Variants in CXorf58 observed in about 807,000 individuals in gnomAD.
CXorf58 encodes the protein uncharacterized protein CXorf58.
Under a neutral mutation model 26.0 loss-of-function variants are expected in CXorf58, and 24 were observed. The observed-to-expected ratio is 0.92, with a 90% CI of 0.67 to 1.30. The LOEUF (loss-of-function observed/expected upper bound fraction) is 1.30, where lower values mean the gene tolerates loss of function less well. Ranked by LOEUF, CXorf58 falls within the 50% of genes most tolerant of loss-of-function variation. CXorf58 has a pLI of 0.00. For synonymous variants in CXorf58, 87 were observed against 86.1 expected, an observed-to-expected ratio of 1.01 and a Z score of -0.06; for missense variants, 236 against 263.9, an observed-to-expected ratio of 0.89 and a Z score of 0.73.
At chrX:23,939,053 A>G (rs1039772355) in intron 8 of CXorf58, among the ~76,000 whole-genome samples, 191 bp from the exon 9 acceptor site, 9 of 112,127 alleles carry the variant, frequency 8.0e-5, no homozygotes, top group Non-Finnish European at 1.3e-4. Context: ...ACTATGCTTT[A>G]TAAAGTCTGC....
At chrX:23,929,267 A>G (rs887160464) in intron 6 of CXorf58, among the ~76,000 whole-genome samples, 23 of 109,041 alleles carry the variant, frequency 2.1e-4, no homozygotes, top group Non-Finnish European at 3.2e-4. Flanking sequence ...TTAGCCGGGC[A>G]TGGTGGCGGG....
At chrX:23,926,612 T>G (rs751496623) in intron 5 of CXorf58, among the ~76,000 whole-genome samples, 1 of 112,308 alleles carries the variant, frequency 8.9e-6, no homozygotes, top group East Asian at 2.8e-4. Flanking sequence ...ATTACAGGTT[T>G]GTTTTGCTTT....
At chrX:23,928,705 T>G (rs773278936) in intron 6 of CXorf58, among the ~76,000 whole-genome samples, 2 of 111,713 alleles carry the variant, frequency 1.8e-5, no homozygotes, top group African/African-American at 6.5e-5. Flanking sequence ...CACCACAAAC[T>G]GAGCCCATAT....
At chrX:23,931,458 G>A (rs1223472081) in intron 6 of CXorf58, among the ~76,000 whole-genome samples, 1 of 111,840 alleles carries the variant, frequency 8.9e-6, no homozygotes, top group Non-Finnish European at 1.9e-5. Flanking sequence ...TGAGAAAAAT[G>A]AAGTTTAACA....
At chrX:23,926,109 C>A (rs1053193473) in intron 5 of CXorf58, among the ~76,000 whole-genome samples, 11 of 110,872 alleles carry the variant, frequency 9.9e-5, no homozygotes, top group Admixed American at 4.9e-4. Flanking sequence ...TTTGTGCTAT[C>A]CTTCCCTTCA....
At chrX:23,927,837 A>G (rs1007008974) in intron 6 of CXorf58, among the ~76,000 whole-genome samples, 4 of 111,498 alleles carry the variant, frequency 3.6e-5, no homozygotes, top group Non-Finnish European at 7.5e-5. Flanking sequence ...TTTAAAGTGT[A>G]CAATTCAGGG....
At chrX:23,925,786 C>CTTTTTTTTTTTTTT (rs11296283) in intron 5 of CXorf58, among the ~76,000 whole-genome samples, 5 of 71,763 alleles carry the variant, frequency 7.0e-5, no homozygotes, top group East Asian at 4.9e-4. Flanking sequence ...CTTTTCTTTT[C>CTTTTTTTTTTTTTT]TTTTTTTTTT....
At chrX:23,939,019 C>G (rs1379107036) in intron 8 of CXorf58, among the ~76,000 whole-genome samples, 3 of 111,616 alleles carry the variant, frequency 2.7e-5, no homozygotes, top group Non-Finnish European at 1.9e-5. Flanking sequence ...AAATGGAAGT[C>G]ATTTCTATCT....
chrX:23,925,623 C>T (rs893351199), intron 5 of CXorf58, among the ~76,000 whole-genome samples: 3 of 109,317 alleles, frequency 2.7e-5, no homozygotes, highest in Non-Finnish European at 5.7e-5. Flanking sequence ...GCTGAGATTA[C>T]AGGTGTGAAC....
At chrX:23,925,029 G>T (rs1313382961) in intron 5 of CXorf58, among the ~76,000 whole-genome samples, 1 of 110,933 alleles carries the variant, frequency 9.0e-6, no homozygotes, top group Admixed American at 9.7e-5. Flanking sequence ...AGAAATTAAT[G>T]AAATATAAAG....
intron 5 of CXorf58, among the ~76,000 whole-genome samples, chrX:23,920,637 A>T (rs1240556368): frequency 8.9e-6 from 1 of 111,823 alleles, no homozygotes; most frequent in Non-Finnish European, 1.9e-5. Context: ...CATGCCTGTA[A>T]TCCCAGCACT....
At chrX:23,914,243 G>T (rs1009194937) in intron 3 of CXorf58, among the ~76,000 whole-genome samples, 6 of 109,681 alleles carry the variant, frequency 5.5e-5, no homozygotes, top group African/African-American at 1.3e-4. Flanking sequence ...CTGCCATCAC[G>T]CCTGGCTAAT....
chrX:23,929,526 G>A (rs1478986286), intron 6 of CXorf58, among the ~76,000 whole-genome samples: 1 of 112,032 alleles, frequency 8.9e-6, no homozygotes, highest in African/African-American at 3.2e-5. Flanking sequence ...GATCAGAGAG[G>A]TGAGAAAGCT....
At chrX:23,919,824 G>T (rs887140339) in intron 5 of CXorf58, among the ~76,000 whole-genome samples, 15 of 112,890 alleles carry the variant, frequency 1.3e-4, no homozygotes, top group African/African-American at 4.8e-4. Context: ...CAGGTGTCGT[G>T]ATCTAAATCT....
chrX:23,933,457 G>A (rs1444721483), intron 6 of CXorf58, among the ~76,000 whole-genome samples: 2 of 111,469 alleles, frequency 1.8e-5, no homozygotes, highest in Admixed American at 1.9e-4. Context: ...AAAGAAAAGT[G>A]GGATTTCTAC....
At chrX:23,914,584 G>A (rs1015289925) in intron 3 of CXorf58, among the ~76,000 whole-genome samples, 5 of 111,590 alleles carry the variant, frequency 4.5e-5, no homozygotes, top group African/African-American at 9.8e-5. Context: ...TAAAATAGGC[G>A]TGATAATATT....
In CXorf58 at chrX:23,938,589, A is replaced by G; in HGVS notation, c.828A>G (p.Lys276=). Residue 276 remains lysine, a synonymous_variant, in exon 8 of 9, where the codon AAA becomes AAG. Transcript: ENST00000379211. ...TCCAACCTCTATATCGGCCCTACAA[A>G]CAGCAAAATCAAGTTAAATTTCTGG... is the stretch of plus-strand genomic sequence containing the variant. ...LTVQPLYRPY[K]QQNQVKFLGR... The G allele has an allele frequency of 8.3e-7, 1 of 1,197,643 alleles. No individual in the cohort carries two copies. Among genetic ancestry groups the G allele is most frequent in the Non-Finnish European group, 1.1e-6 (1 of 888,706 alleles).
intron 5 of CXorf58, among the ~76,000 whole-genome samples, chrX:23,920,214 G>A (rs944836503): frequency 8.9e-6 from 1 of 112,500 alleles, no homozygotes; most frequent in African/African-American, 3.2e-5. Context: ...TGGCAAATCC[G>A]GATAGGCTTG....
At chrX:23,937,368 C>T (rs923053236) in intron 7 of CXorf58, among the ~76,000 whole-genome samples, 1 of 110,582 alleles carries the variant, frequency 9.0e-6, no homozygotes, top group Non-Finnish European at 1.9e-5. Context: ...TATTAATTCT[C>T]GGGCACTTTT....
Sources: gnomAD v4.1 joint callset for allele counts (sites outside exome capture counted in the v4.1 genomes callset) on GRCh38, gnomAD v4.1.1 for gene constraint, MANE v1.5 for transcripts, NCBI Gene and HGNC (gene_info 2026-07-23, HGNC 2026-07-21) for gene names.